The following RAD51B variants were observed in gnomAD, a reference collection of about 807,000 sequenced individuals.
RAD51B encodes DNA repair protein RAD51 homolog 2.
Under a neutral mutation model 42.2 loss-of-function variants are expected in RAD51B, and 38 were observed. The ratio of observed to expected loss-of-function variants is 0.90; its 90% CI spans 0.70 to 1.18. RAD51B has a LOEUF of 1.18. RAD51B is among the 50% of genes most tolerant of loss of function. The pLI is 0.00. For synonymous variants in RAD51B, 154 were observed against 145.2 expected, an observed-to-expected ratio of 1.06 and a Z score of -0.43; for missense variants, 373 against 400.7, an observed-to-expected ratio of 0.93 and a Z score of 0.59.
chr14:68,129,338 C>G (rs1010613719), intron 7 of RAD51B, among the ~76,000 whole-genome samples: 4 of 152,128 alleles, frequency 2.6e-5, no homozygotes, highest in Non-Finnish European at 5.9e-5. Flanking sequence ...TTTGGGGTGA[C>G]AACACAGCTA....
chr14:67,883,127 A>ACTACCAGCTCTTAACT (rs2042963965), intron 5 of RAD51B, among the ~76,000 whole-genome samples: 1 of 151,814 alleles, frequency 6.6e-6, no homozygotes, highest in Admixed American at 6.6e-5. Flanking sequence ...TCCCTGGGTG[A>ACTACCAGCTCTTAACT]GGTCACTACC....
intron 10 of RAD51B, among the ~76,000 whole-genome samples, chr14:68,504,541 T>A (rs375533167): frequency 6.6e-6 from 1 of 152,012 alleles, no homozygotes; most frequent in Non-Finnish European, 1.5e-5. Flanking sequence ...GCTGGGCCCA[T>A]GCATGATGCT....
intron 10 of RAD51B, chr14:68,541,779 A>C: frequency 2.0e-6 from 2 of 985,432 alleles, no homozygotes; most frequent in Non-Finnish European, 2.4e-6. Context: ...ATCTTCAGGC[A>C]CTTAAAAATG....
chr14:68,375,316 A>G (rs938186575), intron 8 of RAD51B, among the ~76,000 whole-genome samples: 5 of 151,882 alleles, frequency 3.3e-5, no homozygotes, highest in East Asian at 1.9e-4. Flanking sequence ...TGGTTTCCAT[A>G]CTTTCTACTT....
intron 7 of RAD51B, among the ~76,000 whole-genome samples, chr14:68,163,179 A>C (rs777874926): frequency 2.0e-5 from 3 of 152,230 alleles, no homozygotes; most frequent in Non-Finnish European, 4.4e-5. Context: ...TGGATTTCAT[A>C]TAAGAAATCT....
intron 5 of RAD51B, among the ~76,000 whole-genome samples, chr14:67,869,291 A>G (rs1354443272): frequency 6.6e-6 from 1 of 152,268 alleles, no homozygotes; most frequent in Non-Finnish European, 1.5e-5. Flanking sequence ...TGAAGAATGC[A>G]GAAGCCTCAG....
At chr14:68,339,458 G>T in intron 8 of RAD51B, 6 of 555,116 alleles carry the variant, frequency 1.1e-5, no homozygotes, top group Non-Finnish European at 1.9e-5. Context: ...CCACTTCCTT[G>T]GCCTCCTGCT....
intron 10 of RAD51B, among the ~76,000 whole-genome samples, chr14:68,549,502 G>A (rs985792975): frequency 1.2e-4 from 16 of 130,152 alleles, no homozygotes; most frequent in East Asian, 7.4e-4. Flanking sequence ...TGCAAGCTCC[G>A]CCTCCCGGGT....
rs748369584 is a variant in RAD51B at position 68,291,919 on chromosome 14, T to C, written c.792T>C (p.Ser264=). 6.2e-7 allele frequency: 1 copy of C among 1,613,884 alleles called. No individual in the cohort carries two copies. Among genetic ancestry groups the C allele is most frequent in the South Asian group, 1.1e-5 (1 of 91,074 alleles). The change falls in exon 8 of 11, where the codon AGT becomes AGC. Residue 264 remains serine, a synonymous_variant. Transcript: ENST00000471583. ...CGAATCAGATTACAACCCATCTGAG[T>C]GGAGCCCTGGCTTCTCAGGCAGACC... ...ILTNQITTHL[S]GALASQADLV...
At chr14:68,154,765 G>T (rs921558753) in intron 7 of RAD51B, among the ~76,000 whole-genome samples, 28 of 132,650 alleles carry the variant, frequency 2.1e-4, no homozygotes, top group African/African-American at 7.1e-4. Flanking sequence ...TGTTTGTTTT[G>T]TTTCTTGAAA....
At chr14:67,854,056 T>C (rs1413091362) in intron 4 of RAD51B, among the ~76,000 whole-genome samples, 1 of 152,226 alleles carries the variant, frequency 6.6e-6, no homozygotes, top group Non-Finnish European at 1.5e-5. Context: ...GGTAGCCTTC[T>C]CATATGAGAT....
At chr14:68,443,144 C>T (rs1334749532) in intron 9 of RAD51B, among the ~76,000 whole-genome samples, 6 of 152,150 alleles carry the variant, frequency 3.9e-5, no homozygotes, top group Non-Finnish European at 5.9e-5. Flanking sequence ...AAGAAAATCC[C>T]AGGGCTGGAA....
At chr14:67,946,186 A>G (rs942708782) in intron 7 of RAD51B, among the ~76,000 whole-genome samples, 4 of 152,196 alleles carry the variant, frequency 2.6e-5, no homozygotes, top group Admixed American at 2.6e-4. Flanking sequence ...GAATTTGAAA[A>G]TACTTTTTTC....
intron 7 of RAD51B, among the ~76,000 whole-genome samples, chr14:67,953,690 G>T (rs2074496162): frequency 6.6e-6 from 1 of 152,128 alleles, no homozygotes; most frequent in African/African-American, 2.4e-5. Flanking sequence ...GAAGCATCTG[G>T]TAGACAGAAT....
intron 10 of RAD51B, among the ~76,000 whole-genome samples, chr14:68,526,361 T>A (rs1886930174): frequency 1.3e-5 from 2 of 152,252 alleles, no homozygotes; most frequent in African/African-American, 4.8e-5. Context: ...CTAGGTTGTG[T>A]AAGTATACTG....
At chr14:68,447,415 A>G (rs927884061) in intron 9 of RAD51B, among the ~76,000 whole-genome samples, 2 of 151,650 alleles carry the variant, frequency 1.3e-5, no homozygotes, top group African/African-American at 4.9e-5. Flanking sequence ...TTCCTCTTCC[A>G]TCTTATGCAT....
chr14:68,444,468 G>A (rs2085376124), intron 9 of RAD51B, among the ~76,000 whole-genome samples: 1 of 139,484 alleles, frequency 7.2e-6, no homozygotes, highest in East Asian at 2.4e-4. Context: ...GTGTGTGTGT[G>A]TGTTTTGAGG....
At chr14:68,017,619 A>G (rs1260702092) in intron 7 of RAD51B, among the ~76,000 whole-genome samples, 1 of 152,152 alleles carries the variant, frequency 6.6e-6, no homozygotes, top group Non-Finnish European at 1.5e-5. Context: ...TTTACAGTCT[A>G]TCATAGATTT....
At chr14:67,981,485 A>C (rs1030885001) in intron 7 of RAD51B, among the ~76,000 whole-genome samples, 1 of 152,218 alleles carries the variant, frequency 6.6e-6, no homozygotes, top group African/African-American at 2.4e-5. Context: ...TTGAAAGCAT[A>C]TGTCCATGCA....
Sources: allele counts gnomAD v4.1 joint callset (sites outside exome capture counted in the v4.1 genomes callset), GRCh38; gene constraint gnomAD v4.1.1; transcripts MANE v1.5; gene names NCBI Gene and HGNC (gene_info 2026-07-23, HGNC 2026-07-21).